The following ERCC6L2 variants were observed in gnomAD, a reference collection of about 807,000 sequenced individuals.
ERCC6L2 encodes the protein DNA excision repair protein ERCC-6-like 2.
ERCC6L2 carries 77 observed loss-of-function variants against 132.0 expected under a neutral mutation model. That is an observed-to-expected ratio of 0.58 (90% CI 0.49 to 0.71). ERCC6L2 has a LOEUF of 0.71. Ranked by LOEUF, ERCC6L2 falls within the 30% of genes least tolerant of loss-of-function variation. The probability of loss-of-function intolerance (pLI) is 0.00; values close to 1 mark genes in which losing one functional copy is unlikely to be tolerated. For synonymous variants in ERCC6L2, 583 were observed against 632.4 expected (o/e 0.92, Z 1.17); for missense variants, 1,542 against 1,837.6 (o/e 0.84, Z 2.94).
At chr9:95,890,650 G>A (rs1307934115) in intron 2 of ERCC6L2, among the ~76,000 whole-genome samples, 1 of 152,142 alleles carries the variant, frequency 6.6e-6, no homozygotes, top group Non-Finnish European at 1.5e-5. Context: ...CTTAAGGAAT[G>A]ATGCCAGAAA....
At chr9:95,926,703 T>C (rs1259269880) in intron 9 of ERCC6L2, among the ~76,000 whole-genome samples, 3 of 152,132 alleles carry the variant, frequency 2.0e-5, no homozygotes, top group Non-Finnish European at 4.4e-5. Context: ...TAATGGTAGA[T>C]ACATGTCATG....
At chr9:95,948,704 G>A (rs1453084363) in intron 12 of ERCC6L2, among the ~76,000 whole-genome samples, 3 of 150,602 alleles carry the variant, frequency 2.0e-5, no homozygotes, top group Non-Finnish European at 4.4e-5. Context: ...GCTAATTAGT[G>A]AAGGTCTTCC....
rs919368597 is a variant in ERCC6L2, at chr9:95,922,396, C to T, written c.1391C>T (p.Ala464Val). The T allele has an allele frequency of 7.5e-6, 12 of 1,609,062 alleles. No homozygotes were observed. The highest frequency in any genetic ancestry group is 1.3e-5 in the African/African-American group (1 of 74,824). Reference sequence around the variant, plus strand: ...GCTAACCATGTCGCGCTACTGCAAGCTGCTAGTACTTCCAAACAACAGGTT... The same window carrying T: ...GCTAACCATGTCGCGCTACTGCAAGTTGCTAGTACTTCCAAACAACAGGTT... ...KVANHVALLQ[A>V]ASTSKQQETL... The change falls in exon 8 of 19, where the codon GCT (alanine) becomes GTT (valine). Residue 464 changes from alanine to valine, a missense_variant. Ala to Val is a moderately conservative substitution (Grantham distance 64). Coordinates refer to ENST00000653738, the MANE Select transcript of ERCC6L2 (RefSeq NM_020207.7).
chr9:95,975,553 G>A (rs1030204761), intron 16 of ERCC6L2, among the ~76,000 whole-genome samples: 1 of 135,414 alleles, frequency 7.4e-6, no homozygotes, highest in African/African-American at 2.8e-5. Context: ...TTACTAGCTT[G>A]TGTCTTCATG....
chr9:95,937,200 CTGTTAACAAAGTGGCTATA>C (rs1830596673), intron 11 of ERCC6L2, among the ~76,000 whole-genome samples: 1 of 152,176 alleles, frequency 6.6e-6, no homozygotes, highest in Admixed American at 6.5e-5. Flanking sequence ...AATTGCTAAA[CTGTTAACAAAGTGGCTATA>C]TGGTTTTACA....
chr9:95,973,200 T>C, intron 16 of ERCC6L2, 112 bp downstream of exon 16: 1 of 663,168 alleles, frequency 1.5e-6, no homozygotes, highest in Non-Finnish European at 2.2e-6. Context: ...AGATGCTGCA[T>C]TGAGGCACAA....
At chr9:95,897,435 AGAAG>A (rs1828524413) in intron 2 of ERCC6L2, among the ~76,000 whole-genome samples, 1 of 152,204 alleles carries the variant, frequency 6.6e-6, no homozygotes, top group East Asian at 1.9e-4. Flanking sequence ...TTAGATAAAT[AGAAG>A]TGTACAAATT....
chr9:95,958,339 A>G (rs575351084), intron 13 of ERCC6L2, among the ~76,000 whole-genome samples: 2 of 152,194 alleles, frequency 1.3e-5, no homozygotes, highest in South Asian at 4.1e-4. Context: ...TCTTTATAGC[A>G]GCATGATTCA....
At chr9:95,971,154 A>C (rs1448353397) in intron 15 of ERCC6L2, among the ~76,000 whole-genome samples, 1 of 152,086 alleles carries the variant, frequency 6.6e-6, no homozygotes, top group Admixed American at 6.6e-5. Flanking sequence ...CATGTGTGGA[A>C]GGTTTTTTTG....
At chr9:96,029,319 A>AC (rs1440365751) in intron 19 of ERCC6L2, among the ~76,000 whole-genome samples, 3 of 142,274 alleles carry the variant, frequency 2.1e-5, no homozygotes, top group Admixed American at 1.4e-4. Flanking sequence ...AAAAAAAAAA[A>AC]AAAACAAAAA....
intron 17 of ERCC6L2, among the ~76,000 whole-genome samples, chr9:95,979,484 A>C (rs981431687): frequency 5.3e-5 from 8 of 152,162 alleles, no homozygotes; most frequent in African/African-American, 1.9e-4. Flanking sequence ...CCTAGCACTC[A>C]CTTTGAAGGA....
intron 11 of ERCC6L2, among the ~76,000 whole-genome samples, chr9:95,937,603 T>G (rs1830613791): frequency 6.6e-6 from 1 of 152,100 alleles, no homozygotes; most frequent in South Asian, 2.1e-4. Context: ...ATTGTTTCTC[T>G]TCTAACTTAT....
intron 2 of ERCC6L2, among the ~76,000 whole-genome samples, chr9:95,892,862 C>A (rs1444272158): frequency 1.3e-5 from 2 of 152,108 alleles, no homozygotes; most frequent in Admixed American, 1.3e-4. Flanking sequence ...CCCTTGTAGA[C>A]AGCTCTTTTA....
intron 19 of ERCC6L2, among the ~76,000 whole-genome samples, chr9:96,034,283 G>A (rs1834495094): frequency 6.6e-6 from 1 of 152,192 alleles, no homozygotes; most frequent in African/African-American, 2.4e-5. Context: ...CACCTGTATT[G>A]CTCTGGTTTG....
chr9:95,986,203 T>A (rs1833087924), intron 17 of ERCC6L2, among the ~76,000 whole-genome samples: 1 of 152,208 alleles, frequency 6.6e-6, no homozygotes, highest in Non-Finnish European at 1.5e-5. Flanking sequence ...TACAACATGC[T>A]TTTGAGTGCA....
At chr9:95,902,186 G>C (rs1015869025) in intron 3 of ERCC6L2, among the ~76,000 whole-genome samples, 1 of 152,060 alleles carries the variant, frequency 6.6e-6, no homozygotes, top group African/African-American at 2.4e-5. Flanking sequence ...TTTGTGCCAA[G>C]AATAAATTCT....
intron 16 of ERCC6L2, among the ~76,000 whole-genome samples, chr9:95,973,503 GAGGCCTCACAATCATGGCGGA>G (rs1246046419): frequency 6.6e-6 from 1 of 152,172 alleles, no homozygotes; most frequent in African/African-American, 2.4e-5. Context: ...CATGGCTAGG[GAGGCCTCACAATCATGGCGGA>G]AGGCAGTGAG....
chr9:95,966,065 T>A (rs1445012556), intron 13 of ERCC6L2, among the ~76,000 whole-genome samples: 1 of 152,206 alleles, frequency 6.6e-6, no homozygotes, highest in Non-Finnish European at 1.5e-5. Flanking sequence ...AAAGATGCAG[T>A]GTTTCTTAAA....
Position 95,876,021 on chromosome 9 carries a change from G to A in ERCC6L2, c.-18G>A. 2 of 1,583,256 alleles carry A rather than the reference G, an allele frequency of 1.3e-6. No homozygotes were observed. Among genetic ancestry groups the A allele is most frequent in the Non-Finnish European group, 1.7e-6 (2 of 1,165,612 alleles). ...CGGGTGTTACATGCAGCCGGGCTCG[G>A]CCCCTCCCCCTGGCCGGATGGATCC... is the stretch of plus-strand genomic sequence containing the variant. On this transcript the variant is annotated 5_prime_UTR_variant, in exon 1 of 19. Transcript: ENST00000653738.
Sources: allele counts gnomAD v4.1 joint callset (sites outside exome capture counted in the v4.1 genomes callset), GRCh38; gene constraint gnomAD v4.1.1; transcripts MANE v1.5; gene names NCBI Gene and HGNC (gene_info 2026-07-23, HGNC 2026-07-21).